The following TNS1 variants were observed in gnomAD, a reference collection of about 807,000 sequenced individuals.
TNS1 encodes the protein tensin 1.
Under a neutral mutation model 168.6 loss-of-function variants are expected in TNS1, and 62 were observed. The ratio of observed to expected loss-of-function variants is 0.37; its 90% CI spans 0.30 to 0.45. The LOEUF is 0.45. TNS1 is among the 20% of genes least tolerant of loss of function. TNS1 has a pLI of 1.00. For missense variants in TNS1, 2,240 were observed against 2,339.4 expected (o/e 0.96, Z 0.88); for synonymous variants, 934 against 933.2 (o/e 1.00, Z -0.02).
At chr2:217,839,009 C>CTAGGCAGAGGCAGAGG (rs1354937727) in intron 19 of TNS1, among the ~76,000 whole-genome samples, 17 of 151,672 alleles carry the variant, frequency 1.1e-4, no homozygotes, top group Admixed American at 3.9e-4. Context: ...TCTCCTACAC[C>CTAGGCAGAGGCAGAGG]CACCTAGGCA....
At chr2:217,961,258 C>G (rs373629341) in intron 3 of TNS1, among the ~76,000 whole-genome samples, 11,602 of 137,756 alleles carry the variant, frequency 0.084, 901 homozygotes, top group African/African-American at 0.22. Flanking sequence ...CACACACACA[C>G]ACAGAGAGAG....
intron 3 of TNS1, among the ~76,000 whole-genome samples, chr2:217,978,065 T>C (rs1305611790): frequency 6.6e-6 from 1 of 152,054 alleles, no homozygotes; most frequent in African/African-American, 2.4e-5. Context: ...GATATATGAC[T>C]CCTGTGTCCA....
intron 12 of TNS1, among the ~76,000 whole-genome samples, chr2:217,887,789 A>G (rs1327987834): frequency 6.6e-6 from 1 of 152,266 alleles, no homozygotes; most frequent in Non-Finnish European, 1.5e-5. Flanking sequence ...TCTGGGCTCC[A>G]ACGCATCTGC....
At chr2:218,004,829 C>A (rs1337744109), upstream of TNS1, among the ~76,000 whole-genome samples, 1 of 152,214 alleles carries the variant, frequency 6.6e-6, no homozygotes, top group East Asian at 1.9e-4. Flanking sequence ...TCCCTCTGGA[C>A]CCCCTACTCT....
chr2:217,809,208 G>GATGC lies in TNS1; in HGVS notation c.5274-538_5274-537insGCAT, dbSNP rs1939906746. On this transcript the variant is annotated intron_variant, in intron 30 of 32. Coordinates refer to ENST00000682258, the MANE Select transcript of TNS1 (RefSeq NM_001387777.1). Reference sequence around the variant, plus strand: ...GGATGGATGGATGGATGGATGGATGGATGGATGCATGGATGGATGGATGGA... The same window carrying GATGC: ...GGATGGATGGATGGATGGATGGATGGATGCATGGATGCATGGATGGATGGATGGA... Among the ~76,000 whole-genome samples the GATGC allele has an allele frequency of 2.5e-5, 2 of 79,696 alleles. 1 individual carries two copies. The highest frequency in any genetic ancestry group is 1.3e-4 in the African/African-American group (2 of 15,474). 52.3% of individuals were successfully genotyped at this position (79,696 alleles called of 152,430 possible).
chr2:217,877,497 C>T (rs937805353), intron 18 of TNS1, among the ~76,000 whole-genome samples: 1 of 152,218 alleles, frequency 6.6e-6, no homozygotes, highest in African/African-American at 2.4e-5. Context: ...CCAAGGAGGG[C>T]CCATACTTCG....
chr2:217,972,384 C>T (rs949486384), intron 3 of TNS1, among the ~76,000 whole-genome samples: 4 of 152,218 alleles, frequency 2.6e-5, no homozygotes, highest in East Asian at 3.8e-4. Flanking sequence ...GAATACAAGC[C>T]TCCAACCCAA....
At chr2:218,003,280 T>C (rs1174199621), upstream of TNS1, among the ~76,000 whole-genome samples, 2 of 137,000 alleles carry the variant, frequency 1.5e-5, no homozygotes, top group Non-Finnish European at 3.1e-5. Flanking sequence ...AGGCCTGGAG[T>C]CCTCCCTCCT....
chr2:217,966,736 A>G (rs936521152), intron 3 of TNS1, among the ~76,000 whole-genome samples: 1 of 152,190 alleles, frequency 6.6e-6, no homozygotes, highest in African/African-American at 2.4e-5. Flanking sequence ...CTCTCCCCTA[A>G]GCAATGATAA....
Position 217,813,177 on chromosome 2 carries a change from G to T in TNS1, c.4954+38C>A, listed in dbSNP as rs1291957663. 6.6e-6 allele frequency: 10 copies of T among 1,521,434 alleles called. No individual in the cohort carries two copies. In the Admixed American group the frequency reaches 1.3e-4, roughly 19 times the overall value. 94.2% of individuals were successfully genotyped at this position (1,521,434 alleles called of 1,614,324 possible). On this transcript the variant is annotated intron_variant, in intron 27 of 32. Coordinates refer to ENST00000682258, the MANE Select transcript of TNS1 (RefSeq NM_001387777.1). The surrounding 1 kb of genome is among the most constrained non-coding windows in gnomAD (Gnocchi z 4.0). ...GAACCCAGGACAGGACCAAGACTCA[G>T]GCCAGACTGTAGAGATGGGGGCAGG...
chr2:217,915,826 C>A (rs1488276540), intron 4 of TNS1, among the ~76,000 whole-genome samples: 1 of 152,236 alleles, frequency 6.6e-6, no homozygotes, highest in African/African-American at 2.4e-5. Context: ...TTCCTGTCTT[C>A]TCAGGGTGGG....
chr2:217,993,945 G>C (rs1361156921), intron 1 of TNS1, among the ~76,000 whole-genome samples: 1 of 152,236 alleles, frequency 6.6e-6, no homozygotes, highest in Non-Finnish European at 1.5e-5. Context: ...AATTCAAAGA[G>C]AGAAGCAGAC....
chr2:217,846,595 C>T (rs1946677803), intron 19 of TNS1, among the ~76,000 whole-genome samples: 1 of 152,212 alleles, frequency 6.6e-6, no homozygotes, highest in Admixed American at 6.5e-5. Flanking sequence ...TGTCTGGGCT[C>T]CACCTCCAGA....
At chr2:217,824,131 A>C (rs922895250) in intron 22 of TNS1, among the ~76,000 whole-genome samples, 4 of 152,244 alleles carry the variant, frequency 2.6e-5, no homozygotes, top group Non-Finnish European at 4.4e-5. Flanking sequence ...AGACAACAGG[A>C]CAGTGAATGG....
At chr2:217,907,858 C>T (rs1953900951) in intron 4 of TNS1, among the ~76,000 whole-genome samples, 1 of 152,212 alleles carries the variant, frequency 6.6e-6, no homozygotes, top group Admixed American at 6.5e-5. Context: ...CTAAACTCTT[C>T]TTGCCTGTTC....
rs987246629 is a variant in TNS1 at position 217,899,109 on chromosome 2, C to A, written c.372-1140G>T. ...TCTCTGGCACTAGACAGAACAAGCC[C>A]CCAGATGCTGAGAAGCCATGAGGAA... On this transcript the variant is annotated intron_variant, in intron 7 of 32. Transcript: ENST00000682258. Among the ~76,000 whole-genome samples the A allele has an allele frequency of 1.1e-4, 17 of 152,270 alleles. No homozygotes were observed. The East Asian group carries it at 3.1e-3, about 28-fold the overall frequency.
At chr2:217,920,406 C>T (rs1955595005) in intron 3 of TNS1, among the ~76,000 whole-genome samples, 170 bp from the exon 4 acceptor site, 1 of 152,144 alleles carries the variant, frequency 6.6e-6, no homozygotes, top group African/African-American at 2.4e-5. Flanking sequence ...AAAACTACTC[C>T]AGCAATAACG....
intron 21 of TNS1, among the ~76,000 whole-genome samples, chr2:217,833,284 T>A (rs992286275): frequency 6.6e-6 from 1 of 152,176 alleles, no homozygotes; most frequent in Non-Finnish European, 1.5e-5. Flanking sequence ...AGCTCCTGAA[T>A]TCCTCGTTCC....
intron 3 of TNS1, among the ~76,000 whole-genome samples, chr2:217,972,113 A>C (rs1196832493): frequency 6.6e-6 from 1 of 152,234 alleles, no homozygotes; most frequent in African/African-American, 2.4e-5. Context: ...TTAGCATTTT[A>C]GTAGGGTTAC....
Sources: gnomAD v4.1 joint callset for allele counts (sites outside exome capture counted in the v4.1 genomes callset) on GRCh38, gnomAD v4.1.1 for gene constraint, Gnocchi (gnomAD v3.1) non-coding constraint, MANE v1.5 for transcripts, NCBI Gene and HGNC (gene_info 2026-07-23, HGNC 2026-07-21) for gene names.